Variants in CSMD1 observed in about 807,000 individuals in gnomAD.
The protein encoded by CSMD1 is CUB and sushi domain-containing protein 1.
A neutral mutation model predicts 417.5 loss-of-function variants in CSMD1; 213 were observed. The observed-to-expected ratio is 0.51, with a 90% CI of 0.46 to 0.57. The LOEUF is 0.57. Ranked by LOEUF, CSMD1 falls within the 20% of genes least tolerant of loss-of-function variation. CSMD1 has a pLI of 0.00. For synonymous variants in CSMD1, 2,862 were observed against 1,736.8 expected (o/e 1.65, Z -16.11); for missense variants, 6,923 against 4,529.7 (o/e 1.53, Z -15.17).
chr8:3,881,064 A>C (rs879421215), intron 5 of CSMD1, among the ~76,000 whole-genome samples: 25 of 152,170 alleles, frequency 1.6e-4, no homozygotes, highest in Non-Finnish European at 3.2e-4. Flanking sequence ...GAATTCAAAA[A>C]ATTATATAAA....
At chr8:3,261,000 CAACA>C (rs60296045) in intron 26 of CSMD1, among the ~76,000 whole-genome samples, 5,434 of 152,080 alleles carry the variant, frequency 0.036, 309 homozygotes, top group African/African-American at 0.12. Context: ...ACAACAACAA[CAACA>C]AACAAATACC....
chr8:3,283,227 G>A (rs1802873463), intron 26 of CSMD1, among the ~76,000 whole-genome samples: 1 of 152,158 alleles, frequency 6.6e-6, no homozygotes, highest in Non-Finnish European at 1.5e-5. Context: ...GAAGTTGCAA[G>A]CAGAGAATCA....
chr8:4,423,902 C>A (rs1000093227), intron 2 of CSMD1, among the ~76,000 whole-genome samples: 1 of 151,812 alleles, frequency 6.6e-6, no homozygotes, highest in African/African-American at 2.4e-5. Flanking sequence ...AACAAAGAAC[C>A]CAAAAATAAA....
intron 1 of CSMD1, among the ~76,000 whole-genome samples, chr8:4,674,273 G>C (rs1272128627): frequency 2.0e-5 from 3 of 152,162 alleles, no homozygotes; most frequent in Non-Finnish European, 2.9e-5. Context: ...GTTATGTTGA[G>C]TCTGGCATGT....
chr8:4,736,187 G>A (rs1322538298), intron 1 of CSMD1, among the ~76,000 whole-genome samples: 5 of 152,060 alleles, frequency 3.3e-5, no homozygotes, highest in Non-Finnish European at 7.4e-5. Flanking sequence ...TCTTCTCTAT[G>A]TTTAATTATC....
At chr8:4,513,147 C>A (rs1244590106) in intron 2 of CSMD1, among the ~76,000 whole-genome samples, 1 of 152,092 alleles carries the variant, frequency 6.6e-6, no homozygotes, top group Non-Finnish European at 1.5e-5. Flanking sequence ...AAACTATGGG[C>A]TTTGGTTAAT....
intron 15 of CSMD1, among the ~76,000 whole-genome samples, chr8:3,403,112 A>G (rs1189755061): frequency 6.6e-6 from 1 of 152,208 alleles, no homozygotes; most frequent in African/African-American, 2.4e-5. Flanking sequence ...TTGGAATATT[A>G]CAGGGCATGA....
At chr8:3,995,795 T>C (rs531565680) in intron 5 of CSMD1, among the ~76,000 whole-genome samples, 5 of 152,320 alleles carry the variant, frequency 3.3e-5, no homozygotes, top group South Asian at 2.1e-4. Context: ...CCCCGGCTAA[T>C]CATGGCTATT....
intron 2 of CSMD1, among the ~76,000 whole-genome samples, chr8:4,517,297 C>T (rs908187807): frequency 2.6e-5 from 4 of 152,264 alleles, no homozygotes; most frequent in South Asian, 2.1e-4. Context: ...AGCTGTATGT[C>T]GTGAGGGTCA....
intron 50 of CSMD1, among the ~76,000 whole-genome samples, chr8:3,034,128 C>T (rs1810517215): frequency 6.6e-6 from 1 of 152,228 alleles, no homozygotes; most frequent in East Asian, 1.9e-4. Flanking sequence ...CTGATTGATA[C>T]ACCTATTTAC....
intron 3 of CSMD1, among the ~76,000 whole-genome samples, chr8:4,111,110 A>G (rs1019156052): frequency 4.0e-5 from 6 of 150,442 alleles, no homozygotes; most frequent in Admixed American, 3.3e-4. Context: ...TTCCTTCTAC[A>G]AAGTTTTGTT....
intron 3 of CSMD1, among the ~76,000 whole-genome samples, chr8:4,169,771 G>A (rs80154405): frequency 1.3e-5 from 2 of 152,096 alleles, no homozygotes; most frequent in East Asian, 3.9e-4. Context: ...TTCATGGGAT[G>A]CTTCTTTACC....
chr8:4,368,235 G>C (rs959805307), intron 3 of CSMD1, among the ~76,000 whole-genome samples: 2 of 152,088 alleles, frequency 1.3e-5, no homozygotes, highest in Non-Finnish European at 2.9e-5. Context: ...CATTTTCTGT[G>C]TCTACTGAGA....
intron 1 of CSMD1, among the ~76,000 whole-genome samples, chr8:4,731,482 G>A (rs1235842756): frequency 6.6e-6 from 1 of 152,142 alleles, no homozygotes; most frequent in Non-Finnish European, 1.5e-5. Flanking sequence ...TTGGAAAGGA[G>A]CAAATATTCA....
At chr8:4,108,387 C>T (rs1042504700) in intron 3 of CSMD1, among the ~76,000 whole-genome samples, 11 of 152,246 alleles carry the variant, frequency 7.2e-5, no homozygotes, top group African/African-American at 2.4e-4. Flanking sequence ...TCAAGAACTA[C>T]TCTCGACCAT....
chr8:4,015,790 C>G (rs759194737), intron 4 of CSMD1, among the ~76,000 whole-genome samples: 1 of 151,520 alleles, frequency 6.6e-6, no homozygotes, highest in East Asian at 1.9e-4. Flanking sequence ...TGTGTTCAGA[C>G]AAAAACAAGG....
chr8:3,114,339 T>C (rs1816724153), intron 42 of CSMD1, among the ~76,000 whole-genome samples: 2 of 152,050 alleles, frequency 1.3e-5, no homozygotes, highest in Admixed American at 6.6e-5. Context: ...TTCTCTAGTA[T>C]TATGTTAAGT....
intron 4 of CSMD1, among the ~76,000 whole-genome samples, chr8:4,030,087 G>A (rs1455727298): frequency 6.6e-6 from 1 of 152,176 alleles, no homozygotes; most frequent in Non-Finnish European, 1.5e-5. Flanking sequence ...CCTCCTGGAT[G>A]CTTTCATGGG....
rs675703 is a variant in CSMD1 at position 2,998,210 on chromosome 8, T to C, written c.8204-26A>G. The C allele has an allele frequency of 2.6e-3, 4,261 of 1,609,898 alleles. 105 individuals are homozygous for C. In the African/African-American group the frequency reaches 0.051, roughly 19 times the overall value. On this transcript the variant is annotated intron_variant, in intron 53 of 69. Transcript: ENST00000635120. Reference sequence around the variant, plus strand: ...CTGTAGAGAGACAGGTCAACGTCATTGTTAAATATTGAACAGGTCATCACT... The same window carrying C: ...CTGTAGAGAGACAGGTCAACGTCATCGTTAAATATTGAACAGGTCATCACT...
Sources: gnomAD v4.1 joint callset for allele counts (sites outside exome capture counted in the v4.1 genomes callset) on GRCh38, gnomAD v4.1.1 for gene constraint, MANE v1.5 for transcripts, NCBI Gene and HGNC (gene_info 2026-07-23, HGNC 2026-07-21) for gene names.